MAGI2: variants seen among roughly 807,000 people sequenced by gnomAD.
The protein encoded by MAGI2 is membrane associated guanylate kinase, WW and PDZ domain containing 2.
MAGI2 carries 35 observed loss-of-function variants against 133.3 expected under a neutral mutation model. The observed-to-expected ratio is 0.26, with a 90% CI of 0.20 to 0.35. MAGI2 has a LOEUF of 0.35. Among genes scored for constraint, MAGI2 ranks in the 10% least tolerant of loss-of-function variants. The probability of loss-of-function intolerance (pLI) is 1.00; values close to 1 mark genes in which losing one functional copy is unlikely to be tolerated. For synonymous variants in MAGI2, 729 were observed against 710.6 expected (o/e 1.03, Z -0.41); for missense variants, 1,636 against 1,863.4 (o/e 0.88, Z 2.25).
At chr7:79,159,983 G>A (rs1824199434) in intron 1 of MAGI2, among the ~76,000 whole-genome samples, 2 of 151,956 alleles carry the variant, frequency 1.3e-5, no homozygotes, top group Admixed American at 6.6e-5. Context: ...ACTTAAGAAG[G>A]TACTTATCAG....
At chr7:79,238,314 T>C (rs1473724679) in intron 1 of MAGI2, among the ~76,000 whole-genome samples, 1 of 152,144 alleles carries the variant, frequency 6.6e-6, no homozygotes, top group East Asian at 1.9e-4. Context: ...TATCTTCCTC[T>C]TACACCTCTC....
intron 1 of MAGI2, among the ~76,000 whole-genome samples, chr7:79,391,917 C>G (rs886886792): frequency 1.3e-5 from 2 of 151,998 alleles, no homozygotes; most frequent in African/African-American, 4.8e-5. Flanking sequence ...ATCTCCTGAC[C>G]TCGTGATCTG....
chr7:78,742,859 G>A (rs537827006), intron 2 of MAGI2, among the ~76,000 whole-genome samples: 1 of 152,186 alleles, frequency 6.6e-6, no homozygotes, highest in Non-Finnish European at 1.5e-5. Context: ...GACCCAGGAT[G>A]CAAGTAGTCT....
At chr7:78,905,564 ATGT>A (rs1797933938) in intron 2 of MAGI2, among the ~76,000 whole-genome samples, 1 of 152,166 alleles carries the variant, frequency 6.6e-6, no homozygotes, top group Non-Finnish European at 1.5e-5. Context: ...GCATTCACAC[ATGT>A]TGTTTCTTCT....
chr7:79,041,078 A>G (rs1360500029), intron 1 of MAGI2, among the ~76,000 whole-genome samples: 2 of 152,174 alleles, frequency 1.3e-5, no homozygotes, highest in Non-Finnish European at 2.9e-5. Context: ...CACATGTATC[A>G]AAATATCAAA....
chr7:79,282,376 G>A (rs2129558076), intron 1 of MAGI2, among the ~76,000 whole-genome samples: 1 of 152,262 alleles, frequency 6.6e-6, no homozygotes, highest in South Asian at 2.1e-4. Flanking sequence ...TTTGGAAATA[G>A]CTTCTCATCT....
At chr7:79,262,274 T>C (rs1371487521) in intron 1 of MAGI2, among the ~76,000 whole-genome samples, 1 of 152,194 alleles carries the variant, frequency 6.6e-6, no homozygotes, top group Non-Finnish European at 1.5e-5. Context: ...AAGGTTATTT[T>C]GGTGACATTT....
intron 3 of MAGI2, among the ~76,000 whole-genome samples, chr7:78,536,414 A>G (rs1797934677): frequency 6.6e-6 from 1 of 152,120 alleles, no homozygotes; most frequent in Non-Finnish European, 1.5e-5. Context: ...GCCCGGCCGA[A>G]TTAAACTCTT....
intron 20 of MAGI2, among the ~76,000 whole-genome samples, chr7:78,107,648 C>T (rs1818832549): frequency 6.6e-6 from 1 of 151,738 alleles, no homozygotes. Context: ...CAGATGGAAA[C>T]TTTTTAGCAG....
At chr7:78,418,048 C>G (rs1452398743) in intron 6 of MAGI2, among the ~76,000 whole-genome samples, 1 of 152,052 alleles carries the variant, frequency 6.6e-6, no homozygotes, top group Non-Finnish European at 1.5e-5. Flanking sequence ...TGTTGTTTAT[C>G]ATGTCTGCCA....
intron 2 of MAGI2, among the ~76,000 whole-genome samples, chr7:78,757,714 T>C (rs1356066777): frequency 6.6e-6 from 1 of 152,202 alleles, no homozygotes; most frequent in East Asian, 1.9e-4. Flanking sequence ...CCTCTCATTC[T>C]GGTGTGACTT....
rs183398805 is a variant in MAGI2 at position 79,191,383 on chromosome 7, T to C, written c.302-184177A>G. On this transcript the variant is annotated intron_variant, in intron 1 of 21. Transcript: ENST00000354212. ...TCATTTCCTGAGCATTTCTTCTTTT[T>C]TTCTTTTTCTTTTTCTTTCTTTTTT... Among the ~76,000 whole-genome samples, 3 of 147,120 alleles carry C rather than the reference T, an allele frequency of 2.0e-5. No homozygotes were observed. In the East Asian group the frequency reaches 5.9e-4, roughly 29 times the overall value.
At chr7:79,386,099 C>CA (rs79941432) in intron 1 of MAGI2, among the ~76,000 whole-genome samples, 2 of 151,404 alleles carry the variant, frequency 1.3e-5, no homozygotes, top group Admixed American at 6.6e-5. Context: ...TAATATAGAA[C>CA]AAAAAAACCC....
chr7:79,110,696 G>A (rs1237291193), intron 1 of MAGI2, among the ~76,000 whole-genome samples: 1 of 152,142 alleles, frequency 6.6e-6, no homozygotes, highest in Admixed American at 6.5e-5. Flanking sequence ...ATTATATTTT[G>A]CAGTGTGAGA....
chr7:79,066,099 T>C (rs1584836321), intron 1 of MAGI2, among the ~76,000 whole-genome samples: 2 of 152,112 alleles, frequency 1.3e-5, no homozygotes, highest in Admixed American at 1.3e-4. Context: ...CTGGGACAAA[T>C]GGTGTTTCTA....
intron 10 of MAGI2, among the ~76,000 whole-genome samples, chr7:78,203,123 G>A (rs950065463): frequency 5.9e-5 from 9 of 152,120 alleles, no homozygotes; most frequent in Non-Finnish European, 1.2e-4. Flanking sequence ...GCGAAAAGAT[G>A]TCATTTATAT....
intron 1 of MAGI2, among the ~76,000 whole-genome samples, chr7:79,303,234 A>T (rs1351099504): frequency 6.6e-6 from 1 of 152,160 alleles, no homozygotes; most frequent in Non-Finnish European, 1.5e-5. Flanking sequence ...ATGCACTGAA[A>T]TCTCAAACTT....
rs369237922 is a variant in MAGI2, at chr7:78,488,668, A to C, written c.1045+1093T>G. 2.6e-5 allele frequency among the ~76,000 whole-genome samples: 4 copies of C among 152,172 alleles called. No homozygotes were observed. In the South Asian group the frequency reaches 8.3e-4, roughly 32 times the overall value. ...TATACAGAAAGGTACAGATATGGCT[A>C]TGAATACAAAATTAAATATAGACTA... On this transcript the variant is annotated intron_variant, in intron 6 of 21. Coordinates refer to ENST00000354212, the MANE Select transcript of MAGI2 (RefSeq NM_012301.4).
intron 16 of MAGI2, among the ~76,000 whole-genome samples, chr7:78,144,278 C>T (rs1420954076): frequency 1.3e-5 from 2 of 152,146 alleles, no homozygotes; most frequent in Admixed American, 6.5e-5. Context: ...AATCTTTCAG[C>T]TGTTTCTTCA....
Sources: gnomAD v4.1 joint callset for allele counts (sites outside exome capture counted in the v4.1 genomes callset) on GRCh38, gnomAD v4.1.1 for gene constraint, MANE v1.5 for transcripts, NCBI Gene and HGNC (gene_info 2026-07-23, HGNC 2026-07-21) for gene names.